Variants in RASEF observed in about 807,000 individuals in gnomAD.
RASEF encodes the protein ras and EF-hand domain-containing protein.
RASEF carries 68 observed loss-of-function variants against 90.1 expected under a neutral mutation model. The observed-to-expected ratio is 0.75, with a 90% CI of 0.62 to 0.92. The LOEUF (loss-of-function observed/expected upper bound fraction) is 0.92, where lower values mean the gene tolerates loss of function less well. Among genes scored for constraint, RASEF ranks in the 40% least tolerant of loss-of-function variants. The probability of loss-of-function intolerance (pLI) is 0.00; values close to 1 mark genes in which losing one functional copy is unlikely to be tolerated. For synonymous variants in RASEF, 331 were observed against 345.2 expected, an observed-to-expected ratio of 0.96 and a Z score of 0.46; for missense variants, 949 against 937.2, an observed-to-expected ratio of 1.01 and a Z score of -0.16.
At chr9:83,214,573 A>G in the RASEF span, among the ~76,000 whole-genome samples, 3 of 152,168 alleles carry the variant, frequency 2.0e-5, no homozygotes, top group African/African-American at 4.8e-5. Context: ...CTCATCTTGA[A>G]TTGTAGCTCC....
chr9:83,070,523 G>A, the RASEF span, among the ~76,000 whole-genome samples: 1 of 152,010 alleles, frequency 6.6e-6, no homozygotes, highest in Admixed American at 6.5e-5. Context: ...TGATTACATT[G>A]CCTGATAATA....
chr9:83,124,967 G>A, the RASEF span, among the ~76,000 whole-genome samples: 2 of 152,300 alleles, frequency 1.3e-5, no homozygotes, highest in African/African-American at 4.8e-5. Context: ...AAACAGTCGT[G>A]TGATAGCATC....
At chr9:83,146,601 T>TGAA in the RASEF span, among the ~76,000 whole-genome samples, 1 of 152,214 alleles carries the variant, frequency 6.6e-6, no homozygotes, top group African/African-American at 2.4e-5. Flanking sequence ...TTGAAAACTC[T>TGAA]TATCGAATAT....
chr9:83,082,995 C>T, the RASEF span, among the ~76,000 whole-genome samples: 6 of 152,222 alleles, frequency 3.9e-5, no homozygotes, highest in South Asian at 2.1e-4. Context: ...CTGTAGTAAA[C>T]GAGCAAAAAA....
intron 3 of RASEF, among the ~76,000 whole-genome samples, chr9:83,019,271 T>A (rs10780566): frequency 0.085 from 12,914 of 151,856 alleles, 617 homozygotes; most frequent in East Asian, 0.15. Flanking sequence ...AGTAATTTTT[T>A]AAAAAAAACT....
chr9:83,149,139 C>T, the RASEF span, among the ~76,000 whole-genome samples: 1 of 152,194 alleles, frequency 6.6e-6, no homozygotes, highest in Non-Finnish European at 1.5e-5. Flanking sequence ...TTTGTCATCT[C>T]CTCCAGGAAA....
At chr9:83,145,683 A>G in the RASEF span, among the ~76,000 whole-genome samples, 1 of 152,084 alleles carries the variant, frequency 6.6e-6, no homozygotes, top group Non-Finnish European at 1.5e-5. Context: ...CCTACAATTC[A>G]GTAAGATAAA....
At chr9:83,011,905 T>G (rs1346679247) in intron 5 of RASEF, among the ~76,000 whole-genome samples, 1 of 152,178 alleles carries the variant, frequency 6.6e-6, no homozygotes, top group African/African-American at 2.4e-5. Context: ...ATTTCTTAGC[T>G]CTGCAGTGAA....
At chr9:83,208,864 A>G in the RASEF span, among the ~76,000 whole-genome samples, 1 of 152,064 alleles carries the variant, frequency 6.6e-6, no homozygotes, top group Non-Finnish European at 1.5e-5. Context: ...CCTTTTTCTT[A>G]TTTCCTAGAG....
the RASEF span, among the ~76,000 whole-genome samples, chr9:83,085,673 C>T: frequency 6.6e-6 from 1 of 152,068 alleles, no homozygotes; most frequent in South Asian, 2.1e-4. Context: ...CACCTATAAT[C>T]CCAGCACTTT....
the RASEF span, among the ~76,000 whole-genome samples, chr9:83,151,604 C>T: frequency 2.6e-5 from 4 of 152,164 alleles, no homozygotes; most frequent in African/African-American, 9.7e-5. Context: ...ACTGGAAAAC[C>T]AAGAGACTGA....
chr9:83,086,157 G>A, the RASEF span, among the ~76,000 whole-genome samples: 2 of 152,154 alleles, frequency 1.3e-5, no homozygotes, highest in Non-Finnish European at 2.9e-5. Context: ...TAGGTGTTAT[G>A]CGTATGTGAA....
intron 6 of RASEF, 36 bp from the exon 7 acceptor site, chr9:83,007,541 G>T: frequency 6.7e-7 from 1 of 1,501,890 alleles, no homozygotes; most frequent in Non-Finnish European, 9.3e-7. Flanking sequence ...GTGAGAATTA[G>T]GTGTCAAGTC....
At chr9:83,121,341 G>C in the RASEF span, among the ~76,000 whole-genome samples, 1 of 152,004 alleles carries the variant, frequency 6.6e-6, no homozygotes, top group African/African-American at 2.4e-5. Flanking sequence ...CTATGACACA[G>C]ATATCAATAT....
chr9:83,131,409 A>G, the RASEF span, among the ~76,000 whole-genome samples: 1 of 152,228 alleles, frequency 6.6e-6, no homozygotes, highest in African/African-American at 2.4e-5. Context: ...AGTGTCACCC[A>G]GCAGGAGGTA....
At position 83,000,308 on chromosome 9, in the gene RASEF, C is replaced by A; in HGVS notation, c.1584G>T (p.Leu528=). The A allele has an allele frequency of 6.2e-7, 1 of 1,613,652 alleles. No individual in the cohort carries two copies. Among genetic ancestry groups the A allele is most frequent in the Non-Finnish European group, 8.5e-7 (1 of 1,179,878 alleles). ...PISALSPQTD[L]VDDNAKSFSS... is the part of the protein sequence containing the mutation. Reference sequence around the variant, plus strand: ...TAAAAGATTTAGCGTTGTCATCTACCAGGTCTGTCTGGGGGGAAAAGCCAC... The same window carrying A: ...TAAAAGATTTAGCGTTGTCATCTACAAGGTCTGTCTGGGGGGAAAAGCCAC... The change falls in exon 12 of 17, where the codon CTG becomes CTT. Residue 528 remains leucine, a synonymous_variant. Transcript: ENST00000376447.
At chr9:83,072,261 C>T in the RASEF span, among the ~76,000 whole-genome samples, 1 of 152,062 alleles carries the variant, frequency 6.6e-6, no homozygotes, top group Admixed American at 6.6e-5. Flanking sequence ...TACCTTCTGC[C>T]CATGTACCCT....
the RASEF span, among the ~76,000 whole-genome samples, chr9:83,202,438 A>G: frequency 2.0e-5 from 3 of 152,198 alleles, no homozygotes; most frequent in African/African-American, 7.2e-5. Flanking sequence ...TTTCCAATGC[A>G]CTTTAAAATG....
chr9:83,026,101 A>G (rs1829543437), intron 1 of RASEF, among the ~76,000 whole-genome samples, 180 bp from the exon 2 acceptor site: 1 of 152,194 alleles, frequency 6.6e-6, no homozygotes, highest in Non-Finnish European at 1.5e-5. Context: ...TTTCCCCACA[A>G]TAGGAGATGG....
Sources: allele counts gnomAD v4.1 joint callset (sites outside exome capture counted in the v4.1 genomes callset), GRCh38; gene constraint gnomAD v4.1.1; transcripts MANE v1.5; gene names NCBI Gene and HGNC (gene_info 2026-07-23, HGNC 2026-07-21).